TXNRD1: variants seen among roughly 807,000 people sequenced by gnomAD.
TXNRD1 encodes thioredoxin reductase 1, also known as thioredoxin reductase 1, cytoplasmic.
TXNRD1 carries 57 observed loss-of-function variants against 80.3 expected under a neutral mutation model. That is an observed-to-expected ratio of 0.71 (90% confidence interval 0.57 to 0.89). TXNRD1 has a LOEUF of 0.89. TXNRD1 is among the 40% of genes least tolerant of loss of function. The pLI is 0.00. For synonymous variants in TXNRD1, 291 were observed against 285.2 expected (o/e 1.02, Z -0.20); for missense variants, 730 against 803.0 (o/e 0.91, Z 1.10).
chr12:104,267,716 T>C (rs1239369876), intron 3 of TXNRD1, among the ~76,000 whole-genome samples: 11 of 55,056 alleles, frequency 2.0e-4, no homozygotes, highest in African/African-American at 6.0e-4. Flanking sequence ...TTTCTTTCTT[T>C]CTTTCTCTTT....
chr12:104,304,923 A>G, intron 4 of TXNRD1: 2 of 1,588,458 alleles, frequency 1.3e-6, no homozygotes. Context: ...ATGATTACAT[A>G]CTCCTCATAC....
At chr12:104,229,694 C>T (rs1397586091) in intron 1 of TXNRD1, among the ~76,000 whole-genome samples, 1 of 151,466 alleles carries the variant, frequency 6.6e-6, no homozygotes, top group Non-Finnish European at 1.5e-5. Context: ...CCGGGTTCAA[C>T]CGATTCTTCT....
In TXNRD1 at chr12:104,350,062, G is replaced by A. The variant is rs1200791122; in HGVS notation, c.*1641G>A. ...GTCTCTGAAATTAGAACAGTAGGCGGTATGAGATAATCAGGCCTAATCATG... is the reference window on the plus strand; with the variant it reads ...GTCTCTGAAATTAGAACAGTAGGCGATATGAGATAATCAGGCCTAATCATG... On this transcript the variant is annotated 3_prime_UTR_variant, in exon 17 of 17. Coordinates refer to ENST00000525566, the MANE Select transcript of TXNRD1 (RefSeq NM_001093771.3). The A allele has an allele frequency of 2.0e-5, 3 of 152,252 alleles. No individual in the cohort carries two copies. The highest frequency in any genetic ancestry group is 6.8e-3 in the Middle Eastern group (2 of 294). 9.4% of individuals were successfully genotyped at this position (152,252 alleles called of 1,614,324 possible).
rs550366001 is a variant in TXNRD1 at position 104,215,848 on chromosome 12, G to C, written c.46G>C (p.Glu16Gln). 6.3e-5 allele frequency: 98 copies of C among 1,560,756 alleles called. 1 individual carries two copies. In the African/African-American group the frequency reaches 1.1e-3, roughly 17 times the overall value. ...GKAVAAAAPT[E>Q]LQTKGKNGDG... is the part of the protein sequence containing the mutation. ...GGCAGTGGCGGCGGCCGCCCCAACG[G>C]AGCTGCAGACGAAAGGCAAGAACGG... Residue 16 changes from glutamate to glutamine, a missense_variant, in exon 1 of 17, where the codon GAG becomes CAG. Coordinates refer to ENST00000525566, the MANE Select transcript of TXNRD1 (RefSeq NM_001093771.3).
intron 1 of TXNRD1, among the ~76,000 whole-genome samples, chr12:104,249,706 T>A (rs576820686): frequency 1.3e-5 from 2 of 151,908 alleles, no homozygotes; most frequent in Non-Finnish European, 2.9e-5. Flanking sequence ...GAGGCCAAGG[T>A]GGGCAGATCA....
intron 4 of TXNRD1, chr12:104,304,117 G>C (rs770133655): frequency 6.2e-7 from 1 of 1,614,018 alleles, no homozygotes. Flanking sequence ...TCGTGAGCTC[G>C]GCGAACAACT....
At chr12:104,311,477 A>G (rs1374321325) in intron 5 of TXNRD1, 65 bp downstream of exon 5, 1 of 1,568,356 alleles carries the variant, frequency 6.4e-7, no homozygotes, top group Non-Finnish European at 8.6e-7. Flanking sequence ...AACATCCCTG[A>G]CAGGGTTCTC....
At chr12:104,224,262 C>T (rs1206201803) in intron 1 of TXNRD1, among the ~76,000 whole-genome samples, 1 of 152,202 alleles carries the variant, frequency 6.6e-6, no homozygotes, top group East Asian at 1.9e-4. Context: ...TTTGTAATTC[C>T]CCAAGTAGAG....
chr12:104,223,925 G>A (rs781643459), intron 1 of TXNRD1, among the ~76,000 whole-genome samples: 7 of 152,200 alleles, frequency 4.6e-5, no homozygotes, highest in Non-Finnish European at 7.3e-5. Context: ...TGTGGGCAGA[G>A]TAGTGTGGGA....
intron 1 of TXNRD1, among the ~76,000 whole-genome samples, chr12:104,226,462 C>A (rs944099538): frequency 2.0e-5 from 3 of 152,128 alleles, no homozygotes; most frequent in Non-Finnish European, 4.4e-5. Context: ...AACAGTGTAG[C>A]CTCTAAGGTT....
chr12:104,295,991 G>C (rs2135762914), intron 4 of TXNRD1, among the ~76,000 whole-genome samples: 1 of 152,326 alleles, frequency 6.6e-6, no homozygotes, highest in South Asian at 2.1e-4. Context: ...CCCCACAACA[G>C]TCCTGTGAAG....
At chr12:104,320,059 A>G (rs1178835047) in intron 9 of TXNRD1, among the ~76,000 whole-genome samples, 1 of 152,160 alleles carries the variant, frequency 6.6e-6, no homozygotes. Context: ...TCTAGACCCT[A>G]CTCAATGCTG....
intron 3 of TXNRD1, chr12:104,276,530 T>A (rs2033761513): frequency 6.6e-6 from 1 of 152,134 alleles, no homozygotes; most frequent in Admixed American, 6.6e-5. Context: ...AATCAGGGCC[T>A]CCCCACCACC....
chr12:104,279,566 A>T (rs1189702510), intron 3 of TXNRD1, among the ~76,000 whole-genome samples: 2 of 152,216 alleles, frequency 1.3e-5, no homozygotes, highest in African/African-American at 4.8e-5. Context: ...AGAGAGGCTT[A>T]GTAACTTGGC....
intron 2 of TXNRD1, among the ~76,000 whole-genome samples, chr12:104,256,933 T>G (rs2033264522): frequency 6.6e-6 from 1 of 151,398 alleles, no homozygotes; most frequent in Non-Finnish European, 1.5e-5. Context: ...AAGTACTGTT[T>G]TAGTAGTTAA....
At chr12:104,221,185 C>T (rs1416477702) in intron 1 of TXNRD1, among the ~76,000 whole-genome samples, 1 of 151,962 alleles carries the variant, frequency 6.6e-6, no homozygotes, top group Non-Finnish European at 1.5e-5. Flanking sequence ...ATCGCATGAG[C>T]GTGGGAGGTC....
chr12:104,316,773 CAT>C (rs1480388021), intron 7 of TXNRD1, among the ~76,000 whole-genome samples: 3 of 152,166 alleles, frequency 2.0e-5, no homozygotes, highest in Admixed American at 1.3e-4. Context: ...TAATTTATGA[CAT>C]ATGTCACTCT....
At position 104,313,311 on chromosome 12, in the gene TXNRD1, A is replaced by G. The variant is rs1437092937; in HGVS notation, c.604A>G (p.Arg202Gly). The G allele has an allele frequency of 6.3e-7, 1 of 1,583,348 alleles. No homozygotes were observed. Among genetic ancestry groups the G allele is most frequent in the Non-Finnish European group, 8.6e-7 (1 of 1,162,848 alleles). Residue 202 changes from arginine (R) to glycine (G), a missense_variant, in exon 6 of 17, where the codon AGA becomes GGA. By Grantham distance (125) the Arg-to-Gly change is moderately radical (BLOSUM62 -2). Coordinates refer to ENST00000525566, the MANE Select transcript of TXNRD1 (RefSeq NM_001093771.3). ...DFVTPTPLGT[R>G]WGLGGTCVNV... is the part of the protein sequence containing the mutation. ...TGTCACTCCCACCCCTCTTGGAACT[A>G]GATGGGGTAAGCTTTTAAGATACTC... is the stretch of plus-strand genomic sequence containing the variant.
At chr12:104,242,172 C>T (rs1380873544) in intron 1 of TXNRD1, among the ~76,000 whole-genome samples, 2 of 151,550 alleles carry the variant, frequency 1.3e-5, no homozygotes, top group East Asian at 3.9e-4. Context: ...CACCTGACCT[C>T]AGGTGATCCA....
Sources: gnomAD v4.1 joint callset for allele counts (sites outside exome capture counted in the v4.1 genomes callset) on GRCh38, gnomAD v4.1.1 for gene constraint, MANE v1.5 for transcripts, NCBI Gene and HGNC (gene_info 2026-07-23, HGNC 2026-07-21) for gene names.